The following DLGAP4 variants were observed in gnomAD, a reference collection of about 807,000 sequenced individuals.
DLGAP4 encodes DLG associated protein 4.
In DLGAP4, 18 loss-of-function variants were observed where a neutral mutation model predicts 86.9. The observed-to-expected ratio is 0.21, with a 90% CI of 0.14 to 0.31. The LOEUF (loss-of-function observed/expected upper bound fraction) is 0.31, where lower values mean the gene tolerates loss of function less well. Ranked by LOEUF, DLGAP4 falls within the 10% of genes least tolerant of loss-of-function variation. DLGAP4 has a pLI of 1.00. For missense variants in DLGAP4, 1,085 were observed against 1,362.6 expected, an observed-to-expected ratio of 0.80 and a Z score of 3.21; for synonymous variants, 548 against 574.3, an observed-to-expected ratio of 0.95 and a Z score of 0.65.
At chr20:36,373,272 G>A (rs749007493) in intron 2 of DLGAP4, among the ~76,000 whole-genome samples, 3 of 152,172 alleles carry the variant, frequency 2.0e-5, no homozygotes, top group African/African-American at 4.8e-5. Flanking sequence ...GCTGGATCCA[G>A]GACCTCAGGG....
chr20:36,507,057 C>A (rs946334744), intron 10 of DLGAP4, among the ~76,000 whole-genome samples: 6 of 152,154 alleles, frequency 3.9e-5, no homozygotes, highest in African/African-American at 1.2e-4. Flanking sequence ...TGTATCTATT[C>A]ATTTGCCAAT....
At chr20:36,352,138 G>A (rs2030176483) in intron 1 of DLGAP4, among the ~76,000 whole-genome samples, 1 of 152,118 alleles carries the variant, frequency 6.6e-6, no homozygotes, top group South Asian at 2.1e-4. Flanking sequence ...AGTGCAAAGG[G>A]CCTGGGGTGG....
chr20:36,381,548 G>T (rs6130176), intron 2 of DLGAP4, among the ~76,000 whole-genome samples: 18,828 of 152,192 alleles, frequency 0.12, 1,507 homozygotes, highest in East Asian at 0.41. Flanking sequence ...TCATTTTATG[G>T]TGAACATTGA....
chr20:36,455,882 C>T (rs1330115231), intron 7 of DLGAP4, among the ~76,000 whole-genome samples: 1 of 152,148 alleles, frequency 6.6e-6, no homozygotes. Flanking sequence ...CCTGGGCCCA[C>T]CTGTCCCCTC....
intron 7 of DLGAP4, among the ~76,000 whole-genome samples, chr20:36,449,558 C>T (rs893015728): frequency 6.6e-6 from 1 of 152,236 alleles, no homozygotes; most frequent in Non-Finnish European, 1.5e-5. Flanking sequence ...CAGAAGAGCT[C>T]TCCCAGGCTG....
At chr20:36,469,068 TATC>T (rs753119853) in intron 7 of DLGAP4, among the ~76,000 whole-genome samples, 10 of 152,222 alleles carry the variant, frequency 6.6e-5, no homozygotes, top group Non-Finnish European at 1.2e-4. Flanking sequence ...TTACTATTCT[TATC>T]ATCCTTGTTT....
intron 1 of DLGAP4, among the ~76,000 whole-genome samples, chr20:36,331,443 G>A (rs1390852664): frequency 6.6e-6 from 1 of 152,230 alleles, no homozygotes; most frequent in East Asian, 1.9e-4. Context: ...TTGCTGTGGA[G>A]TTGTAGCAAT....
At chr20:36,411,155 A>G (rs1236723683) in intron 2 of DLGAP4, among the ~76,000 whole-genome samples, 1 of 152,124 alleles carries the variant, frequency 6.6e-6, no homozygotes, top group Non-Finnish European at 1.5e-5. Context: ...GCACCCAGCT[A>G]ATTTTTGTAT....
At chr20:36,363,736 G>A (rs1223112382) in intron 1 of DLGAP4, among the ~76,000 whole-genome samples, 1 of 152,188 alleles carries the variant, frequency 6.6e-6, no homozygotes, top group African/African-American at 2.4e-5. Flanking sequence ...GGATTGCTTG[G>A]CTGGAAGGTA....
In DLGAP4 at chr20:36,499,579, T is replaced by G. The variant is rs2147775488; in HGVS notation, c.2011-9T>G. The stretch of plus-strand genomic sequence containing the variant: ...CTCCGTGCCGTTGCTGTCGTTGTCC[T>G]TCAATAAGGTTGACTGCATTCAGCC... On this transcript the variant is annotated splice_polypyrimidine_tract_variant and intron_variant, in intron 8 of 12. Coordinates refer to ENST00000339266, the MANE Select transcript of DLGAP4 (RefSeq NM_001365621.2). 1 of 1,613,756 alleles carries G rather than the reference T, an allele frequency of 6.2e-7. No individual in the cohort carries two copies. Among genetic ancestry groups the G allele is most frequent in the Middle Eastern group, 1.6e-4 (1 of 6,062 alleles).
chr20:36,317,322 TTC>T (rs1228287767), intron 1 of DLGAP4, among the ~76,000 whole-genome samples: 3,221 of 8,374 alleles, frequency 0.38, 353 homozygotes, highest in African/African-American at 0.53. Context: ...CCTTCCTTCC[TTC>T]CTTCCTCTTT....
intron 4 of DLGAP4, among the ~76,000 whole-genome samples, chr20:36,438,945 G>A (rs921182170): frequency 6.6e-6 from 1 of 152,104 alleles, no homozygotes; most frequent in African/African-American, 2.4e-5. Context: ...AAGTGAAGGG[G>A]CTGAGCTGGA....
intron 7 of DLGAP4, among the ~76,000 whole-genome samples, chr20:36,478,789 A>G (rs1311566783): frequency 1.3e-5 from 2 of 152,222 alleles, no homozygotes; most frequent in Non-Finnish European, 2.9e-5. Context: ...AACATGACTC[A>G]CTGTGTGATC....
chr20:36,433,640 T>A (rs996424598), intron 3 of DLGAP4, among the ~76,000 whole-genome samples: 2 of 151,686 alleles, frequency 1.3e-5, no homozygotes, highest in African/African-American at 4.8e-5. Flanking sequence ...GGAACTCTGA[T>A]GAGTATTTCT....
At chr20:36,409,951 A>C (rs535312277) in intron 2 of DLGAP4, among the ~76,000 whole-genome samples, 1 of 147,894 alleles carries the variant, frequency 6.8e-6, no homozygotes, top group South Asian at 2.2e-4. Flanking sequence ...GGAGAATGGC[A>C]TGAACCCGGG....
At chr20:36,390,663 G>T (rs1205404996) in intron 2 of DLGAP4, among the ~76,000 whole-genome samples, 3 of 152,066 alleles carry the variant, frequency 2.0e-5, no homozygotes, top group Non-Finnish European at 4.4e-5. Flanking sequence ...CTGGATCCTG[G>T]GTCTGTGTTA....
intron 7 of DLGAP4, among the ~76,000 whole-genome samples, chr20:36,481,219 A>G (rs1229267129): frequency 1.3e-5 from 2 of 152,176 alleles, no homozygotes; most frequent in African/African-American, 4.8e-5. Context: ...ATCTTTGGCC[A>G]GCTCTGCTTC....
chr20:36,410,013 G>A (rs1157506105), intron 2 of DLGAP4, among the ~76,000 whole-genome samples: 5 of 145,136 alleles, frequency 3.4e-5, no homozygotes, highest in South Asian at 2.2e-4. Flanking sequence ...CAGCCTGGGC[G>A]ACAGAGTTAG....
intron 1 of DLGAP4, among the ~76,000 whole-genome samples, chr20:36,335,934 C>G (rs532263652): frequency 1.5e-4 from 23 of 152,258 alleles, no homozygotes; most frequent in African/African-American, 5.5e-4. Flanking sequence ...GCCTGCAGGA[C>G]CTGGCAGATC....
Sources: gnomAD v4.1 joint callset for allele counts (sites outside exome capture counted in the v4.1 genomes callset) on GRCh38, gnomAD v4.1.1 for gene constraint, MANE v1.5 for transcripts, NCBI Gene and HGNC (gene_info 2026-07-23, HGNC 2026-07-21) for gene names.